The following TAB3 variants were observed in gnomAD, a reference collection of about 807,000 sequenced individuals.
The protein encoded by TAB3 is TGF-beta-activated kinase 1 and MAP3K7-binding protein 3.
Under a neutral mutation model 48.1 loss-of-function variants are expected in TAB3, and 18 were observed. That is an observed-to-expected ratio of 0.37 (90% CI 0.26 to 0.55). The LOEUF (loss-of-function observed/expected upper bound fraction) is 0.55. Ranked by LOEUF, TAB3 falls within the 20% of genes least tolerant of loss-of-function variation. The pLI, the probability that TAB3 is intolerant of heterozygous loss-of-function variation, is 0.78. For missense variants in TAB3, 414 were observed against 549.8 expected, an observed-to-expected ratio of 0.75 and a Z score of 2.47; for synonymous variants, 185 against 190.2, an observed-to-expected ratio of 0.97 and a Z score of 0.22.
intron 7 of TAB3, among the ~76,000 whole-genome samples, chrX:30,847,986 T>G (rs1457289572): frequency 8.9e-6 from 1 of 112,542 alleles, no homozygotes; most frequent in African/African-American, 3.2e-5. Context: ...GCGCCTTGCC[T>G]ATCAAGCAAT....
At chrX:30,836,702 G>A (rs958056178) in intron 9 of TAB3, 4 of 111,338 alleles carry the variant, frequency 3.6e-5, no homozygotes, top group Non-Finnish European at 7.5e-5. Flanking sequence ...AATTAGCCGG[G>A]CGTGGTGGTG....
intron 7 of TAB3, among the ~76,000 whole-genome samples, chrX:30,848,856 GCTGGGACTCAGTTATGCCT>G (rs1340063044): frequency 9.1e-6 from 1 of 109,968 alleles, no homozygotes; most frequent in Non-Finnish European, 1.9e-5. Flanking sequence ...TTCTTTGGTG[GCTGGGACTCAGTTATGCCT>G]CTGGGACTCA....
chrX:30,882,449 C>T (rs1476490688), intron 1 of TAB3, among the ~76,000 whole-genome samples: 1 of 111,775 alleles, frequency 8.9e-6, no homozygotes, highest in African/African-American at 3.3e-5. Flanking sequence ...CATGAAAACA[C>T]AGTTTTAAAT....
Position 30,831,259 on chromosome X carries a change from T to A in TAB3, c.*168A>T, listed in dbSNP as rs2147319863. On this transcript the variant is annotated 3_prime_UTR_variant, in exon 11 of 11. Transcript: ENST00000288422. ...GTTAAGAAAGGAGAAAAAAAAGACCTCCCCATTTTTCCTTTCGTGAGCACA... is the reference window on the plus strand; with the variant it reads ...GTTAAGAAAGGAGAAAAAAAAGACCACCCCATTTTTCCTTTCGTGAGCACA... The A allele has an allele frequency of 2.1e-6, 1 of 473,502 alleles. No individual in the cohort carries two copies. The highest frequency in any genetic ancestry group is 6.5e-5 in the South Asian group (1 of 15,305). The allele number at this position is 473,502 out of a possible 1,213,427, so 39.0% of individuals were successfully genotyped here. A position where few individuals can be genotyped will look rare whatever the true frequency, so the allele number is the denominator to read the frequency against.
At chrX:30,873,750 T>C (rs1939738847) in intron 1 of TAB3, among the ~76,000 whole-genome samples, 1 of 111,920 alleles carries the variant, frequency 8.9e-6, no homozygotes, top group Admixed American at 9.4e-5. Flanking sequence ...CATTTTCTTT[T>C]CTCTAGCTTA....
At position 30,854,305 on chromosome X, in the gene TAB3, C is replaced by T. The variant is rs755675535; in HGVS notation, c.1360G>A (p.Val454Ile). The change falls in exon 6 of 11, where the codon GTT (valine) becomes ATT (isoleucine). Residue 454 changes from valine to isoleucine, a missense_variant. Transcript: ENST00000288422. ...GCTCGGCCTACGGTAATTTTAAAAA[C>T]TGTAGTTGGGTTTGGTATCACTCGA... ...SPRVIPNPTT[V>I]FKITVGRATT... The T allele has an allele frequency of 8.3e-7, 1 of 1,209,504 alleles. No homozygotes were observed. Among genetic ancestry groups the T allele is most frequent in the African/African-American group, 1.8e-5 (1 of 56,966 alleles).
chrX:30,839,732 A>G (rs1955699423), intron 9 of TAB3, among the ~76,000 whole-genome samples: 1 of 109,771 alleles, frequency 9.1e-6, no homozygotes, highest in South Asian at 3.9e-4. Flanking sequence ...ATGAAATGAA[A>G]AAACAAAAAA....
chrX:30,846,299 A>G (rs185421160), intron 8 of TAB3: 1 of 328,052 alleles, frequency 3.0e-6, no homozygotes, highest in African/African-American at 2.6e-5. Context: ...TAAATGACAA[A>G]AAGAGGATAA....
At chrX:30,832,511 A>G (rs767336511) in intron 10 of TAB3, among the ~76,000 whole-genome samples, 1 of 112,474 alleles carries the variant, frequency 8.9e-6, no homozygotes, top group Non-Finnish European at 1.9e-5. Context: ...CTTTTTAAAT[A>G]GGTAACAAAA....
intron 9 of TAB3, among the ~76,000 whole-genome samples, chrX:30,838,829 T>A (rs1177806873): frequency 8.9e-6 from 1 of 112,309 alleles, no homozygotes; most frequent in Non-Finnish European, 1.9e-5. Context: ...ACTGATATTG[T>A]AAAAACATGT....
At chrX:30,847,394 T>C (rs762373761) in intron 7 of TAB3, among the ~76,000 whole-genome samples, 8 of 109,352 alleles carry the variant, frequency 7.3e-5, no homozygotes, top group Non-Finnish European at 1.5e-4. Flanking sequence ...CAGGGGCACA[T>C]ATGAGGCACT....
intron 7 of TAB3, among the ~76,000 whole-genome samples, chrX:30,851,479 T>C (rs1188074048): frequency 8.9e-6 from 1 of 112,405 alleles, no homozygotes; most frequent in Non-Finnish European, 1.9e-5. Context: ...CTTTTCTCTC[T>C]GCCTATTGTT....
intron 9 of TAB3, chrX:30,834,699 C>T (rs1254095649): frequency 9.0e-6 from 1 of 111,279 alleles, no homozygotes; most frequent in Non-Finnish European, 1.9e-5. Flanking sequence ...TGGCTCACTG[C>T]AGCCTTGATC....
At chrX:30,870,388 A>C (rs1939629438) in intron 2 of TAB3, among the ~76,000 whole-genome samples, 1 of 112,592 alleles carries the variant, frequency 8.9e-6, no homozygotes, top group African/African-American at 3.2e-5. Context: ...TTAACTAAAC[A>C]ATTTCTAACC....
At chrX:30,846,455 CTG>C in intron 8 of TAB3, 94 bp downstream of exon 8, 9 of 573,286 alleles carry the variant, frequency 1.6e-5, no homozygotes, top group Non-Finnish European at 2.5e-5. Flanking sequence ...CGGATAAAAA[CTG>C]TCTCTTAAAT....
intron 9 of TAB3, chrX:30,836,168 TAAGTTTTAACAG>T (rs1938205414): frequency 8.9e-6 from 1 of 112,231 alleles, no homozygotes; most frequent in Non-Finnish European, 1.9e-5. Context: ...CTACTGTTTC[TAAGTTTTAACAG>T]AAGAAGATAA....
intron 4 of TAB3, among the ~76,000 whole-genome samples, chrX:30,864,388 C>T (rs1939340478): frequency 8.9e-6 from 1 of 112,167 alleles, no homozygotes; most frequent in Non-Finnish European, 1.9e-5. Context: ...AGATGCTATG[C>T]TTAGCAGTGG....
chrX:30,835,710 T>C (rs892302570), intron 9 of TAB3: 4 of 112,519 alleles, frequency 3.6e-5, no homozygotes, highest in Non-Finnish European at 7.5e-5. Flanking sequence ...GAAGAGCACG[T>C]ACACACTGTA....
intron 7 of TAB3, among the ~76,000 whole-genome samples, chrX:30,847,863 A>G (rs1202323980): frequency 8.9e-6 from 1 of 111,919 alleles, no homozygotes; most frequent in Non-Finnish European, 1.9e-5. Flanking sequence ...AATAGCTACA[A>G]TTCCACAGAA....
Sources: gnomAD v4.1 joint callset for allele counts (sites outside exome capture counted in the v4.1 genomes callset) on GRCh38, gnomAD v4.1.1 for gene constraint, MANE v1.5 for transcripts, NCBI Gene and HGNC (gene_info 2026-07-23, HGNC 2026-07-21) for gene names.